The following SELENOT variants were observed in gnomAD, a reference collection of about 807,000 sequenced individuals.
SELENOT encodes thioredoxin reductase-like selenoprotein T.
In SELENOT, 9 loss-of-function variants were observed where a neutral mutation model predicts 24.3. That is an observed-to-expected ratio of 0.37 (90% CI 0.22 to 0.65). SELENOT has a LOEUF of 0.65. SELENOT is among the 30% of genes least tolerant of loss of function. SELENOT has a pLI of 0.60. For synonymous variants in SELENOT, 81 were observed against 86.0 expected, an observed-to-expected ratio of 0.94 and a Z score of 0.32; for missense variants, 166 against 247.6, an observed-to-expected ratio of 0.67 and a Z score of 2.21.
chr3:150,616,598 A>G (rs932834258), intron 1 of SELENOT, among the ~76,000 whole-genome samples: 2 of 152,254 alleles, frequency 1.3e-5, no homozygotes, highest in African/African-American at 4.8e-5. Context: ...ACACATGAAA[A>G]AATGCTTACC....
At position 150,603,437 on chromosome 3, in the gene SELENOT, C is replaced by G. The variant is rs758158338; in HGVS notation, c.75C>G (p.Gly25=). The change falls in exon 1 of 6, where the codon GGC becomes GGG. Residue 25 remains glycine, a synonymous_variant. Transcript: ENST00000471696. ...VRSEASANLG[G]VPSKRLKMQY... ...GCGAGGCCTCGGCCAATCTGGGCGG[C>G]GTGCCCAGCAAGAGATTAAAGATGC... 7 of 1,613,012 alleles carry G rather than the reference C, an allele frequency of 4.3e-6. No homozygotes were observed. The East Asian group carries it at 1.6e-4, about 36-fold the overall frequency.
At chr3:150,615,747 T>A (rs1202712569) in intron 1 of SELENOT, among the ~76,000 whole-genome samples, 4 of 152,152 alleles carry the variant, frequency 2.6e-5, no homozygotes, top group Admixed American at 6.5e-5. Context: ...GTAGGAAGAA[T>A]AAATATCGTG....
At chr3:150,607,799 C>T (rs926714300) in intron 1 of SELENOT, among the ~76,000 whole-genome samples, 1 of 152,130 alleles carries the variant, frequency 6.6e-6, no homozygotes, top group African/African-American at 2.4e-5. Context: ...GCCTACTGAC[C>T]TCAGAGACCT....
chr3:150,612,148 C>T (rs1345987097), intron 1 of SELENOT, among the ~76,000 whole-genome samples: 1 of 151,672 alleles, frequency 6.6e-6, no homozygotes, highest in African/African-American at 2.4e-5. Context: ...GGCTGGAGTG[C>T]GGTGGCGCAA....
rs1339112740 is a variant in SELENOT at position 150,628,689 on chromosome 3, A to G, written c.*1060A>G. ...AAAATTTTTTAAATTTAATTTTTAA[A>G]TACTGTTTCAGAGTTCTAAAAAGGC... On this transcript the variant is annotated 3_prime_UTR_variant, in exon 6 of 6. Transcript: ENST00000471696. 1.3e-5 allele frequency: 2 copies of G among 152,336 alleles called. No homozygotes were observed. Among genetic ancestry groups the G allele is most frequent in the African/African-American group, 4.8e-5 (2 of 41,572 alleles). 9.4% of individuals were successfully genotyped at this position (152,336 alleles called of 1,614,324 possible).
chr3:150,611,923 C>G (rs1026233055), intron 1 of SELENOT: 4 of 947,704 alleles, frequency 4.2e-6, no homozygotes, highest in Admixed American at 5.9e-5. Context: ...TCCCCACTCT[C>G]CTGGCCGCTC....
intron 1 of SELENOT, among the ~76,000 whole-genome samples, chr3:150,620,439 G>A (rs1206961434): frequency 6.6e-6 from 1 of 152,190 alleles, no homozygotes; most frequent in Admixed American, 6.5e-5. Flanking sequence ...CACAAAGACT[G>A]TGTTCTGGTC....
At chr3:150,619,323 A>T (rs1726289332) in intron 1 of SELENOT, among the ~76,000 whole-genome samples, 1 of 151,700 alleles carries the variant, frequency 6.6e-6, no homozygotes, top group South Asian at 2.1e-4. Context: ...TGAGGTCAGG[A>T]ATTCGAGACC....
At chr3:150,615,957 A>T (rs1726202279) in intron 1 of SELENOT, among the ~76,000 whole-genome samples, 1 of 151,904 alleles carries the variant, frequency 6.6e-6, no homozygotes, top group South Asian at 2.1e-4. Flanking sequence ...CTATACTACA[A>T]GGCTACAGTA....
intron 1 of SELENOT, among the ~76,000 whole-genome samples, chr3:150,604,299 C>T (rs1393208186): frequency 6.6e-6 from 1 of 152,038 alleles, no homozygotes. Flanking sequence ...TTAACCTAAT[C>T]GTTAGAAGCA....
intron 4 of SELENOT, among the ~76,000 whole-genome samples, chr3:150,625,215 T>C (rs1431237195): frequency 6.6e-6 from 1 of 152,108 alleles, no homozygotes; most frequent in Non-Finnish European, 1.5e-5. Flanking sequence ...AAATAACATC[T>C]GTATGATGAT....
rs1306434984 is a variant in SELENOT at position 150,629,618 on chromosome 3, C to T, written c.*1989C>T. ...ACCTAGGATTCAATTCCAACTTTCTCTGTTTGCCTTGGGTTGAATAACTTA... is the reference window on the plus strand; with the variant it reads ...ACCTAGGATTCAATTCCAACTTTCTTTGTTTGCCTTGGGTTGAATAACTTA... On this transcript the variant is annotated 3_prime_UTR_variant, in exon 6 of 6. Transcript: ENST00000471696. 5 of 152,698 alleles carry T rather than the reference C, an allele frequency of 3.3e-5. No homozygotes were observed. Among genetic ancestry groups the T allele is most frequent in the Admixed American group, 6.5e-5 (1 of 15,296 alleles). 9.5% of individuals were successfully genotyped at this position (152,698 alleles called of 1,614,324 possible). A position where few individuals can be genotyped will look rare whatever the true frequency, so the allele number is the denominator to read the frequency against.
chr3:150,624,267 C>T lies in SELENOT; in HGVS notation c.376-545C>T, dbSNP rs568668604. On this transcript the variant is annotated intron_variant, in intron 3 of 5. Coordinates refer to ENST00000471696, the MANE Select transcript of SELENOT (RefSeq NM_016275.5). ...TCTGAAACAGCTTGCTGTGAATTGG[C>T]ATTCTCACTGCATCCTACTTTTAGT... Among the ~76,000 whole-genome samples the T allele has an allele frequency of 2.0e-5, 3 of 152,258 alleles. No individual in the cohort carries two copies. The East Asian group carries it at 5.8e-4, about 29-fold the overall frequency.
At chr3:150,609,576 C>A (rs1488142821) in intron 1 of SELENOT, among the ~76,000 whole-genome samples, 1 of 152,136 alleles carries the variant, frequency 6.6e-6, no homozygotes, top group Non-Finnish European at 1.5e-5. Flanking sequence ...TCTTGAACTC[C>A]TGGGCTCAAG....
intron 1 of SELENOT, chr3:150,611,845 G>C (rs1726101402): frequency 5.4e-6 from 5 of 933,380 alleles, no homozygotes; most frequent in Non-Finnish European, 8.0e-6. Context: ...TGCGGCTGCC[G>C]CCTCCCCACT....
chr3:150,626,273 T>C (rs1726443237), intron 4 of SELENOT, among the ~76,000 whole-genome samples: 1 of 152,210 alleles, frequency 6.6e-6, no homozygotes, highest in South Asian at 2.1e-4. Flanking sequence ...GACCAGAACA[T>C]TTAATCTGGC....
chr3:150,621,187 G>A (rs140909843), intron 1 of SELENOT, among the ~76,000 whole-genome samples: 1 of 152,048 alleles, frequency 6.6e-6, no homozygotes, highest in South Asian at 2.1e-4. Flanking sequence ...ATTTAGACTT[G>A]TAAGGGACAT....
At chr3:150,605,878 A>G (rs1189879788) in intron 1 of SELENOT, among the ~76,000 whole-genome samples, 1 of 152,234 alleles carries the variant, frequency 6.6e-6, no homozygotes, top group African/African-American at 2.4e-5. Flanking sequence ...TTCCATTTGA[A>G]GTCAGTATTA....
In SELENOT at chr3:150,628,813, A is replaced by G. The variant is rs1210920136; in HGVS notation, c.*1184A>G. 1 of 152,238 alleles carries G rather than the reference A, an allele frequency of 6.6e-6. No homozygotes were observed. The highest frequency in any genetic ancestry group is 1.5e-5 in the Non-Finnish European group (1 of 68,032). 9.4% of individuals were successfully genotyped at this position (152,238 alleles called of 1,614,324 possible). On this transcript the variant is annotated 3_prime_UTR_variant, in exon 6 of 6. Coordinates refer to ENST00000471696, the MANE Select transcript of SELENOT (RefSeq NM_016275.5). ...GTAGTCATGTAACAGCAGTAATAAC[A>G]TACTTCAGCTTCCATATAGGAATAG...
Sources: gnomAD v4.1 joint callset for allele counts (sites outside exome capture counted in the v4.1 genomes callset) on GRCh38, gnomAD v4.1.1 for gene constraint, MANE v1.5 for transcripts, NCBI Gene and HGNC (gene_info 2026-07-23, HGNC 2026-07-21) for gene names.